ADCY9: variants seen among roughly 807,000 people sequenced by gnomAD.
The protein encoded by ADCY9 is adenylate cyclase type 9.
A neutral mutation model predicts 101.5 loss-of-function variants in ADCY9; 50 were observed. That is an observed-to-expected ratio of 0.49 (90% CI 0.39 to 0.62). ADCY9 has a LOEUF of 0.62. ADCY9 is among the 20% of genes least tolerant of loss of function. The probability of loss-of-function intolerance (pLI) is 0.00; values close to 1 mark genes in which losing one functional copy is unlikely to be tolerated. For missense variants in ADCY9, 1,662 were observed against 1,800.4 expected (o/e 0.92, Z 1.39); for synonymous variants, 905 against 769.3 (o/e 1.18, Z -2.92).
chr16:3,981,387 A>G (rs2056141192), intron 7 of ADCY9, among the ~76,000 whole-genome samples: 2 of 152,172 alleles, frequency 1.3e-5, no homozygotes, highest in Non-Finnish European at 2.9e-5. Flanking sequence ...AGCTACCCAC[A>G]TTAGAGGAAA....
chr16:4,046,254 A>G (rs747218009), intron 2 of ADCY9, among the ~76,000 whole-genome samples: 1 of 152,124 alleles, frequency 6.6e-6, no homozygotes, highest in Admixed American at 6.6e-5. Context: ...ACCACGGCAC[A>G]CAGTGCCCAG....
intron 7 of ADCY9, chr16:3,982,992 C>T (rs754479654): frequency 5.2e-5 from 28 of 543,018 alleles, no homozygotes; most frequent in Admixed American, 2.3e-4. Flanking sequence ...AAGCTGGCAG[C>T]GGTTGGGGCT....
chr16:4,032,972 C>G (rs1386564260), intron 2 of ADCY9: 1 of 152,236 alleles, frequency 6.6e-6, no homozygotes, highest in African/African-American at 2.4e-5. Flanking sequence ...TGCTGCCGTC[C>G]CTCACCCGCC....
chr16:4,101,205 T>C (rs1440725215), intron 2 of ADCY9, among the ~76,000 whole-genome samples: 2 of 152,104 alleles, frequency 1.3e-5, no homozygotes, highest in Non-Finnish European at 2.9e-5. Context: ...TTCAGTCTTC[T>C]CATCTATAAA....
At chr16:4,017,989 C>G (rs1445179739) in intron 2 of ADCY9, among the ~76,000 whole-genome samples, 1 of 152,200 alleles carries the variant, frequency 6.6e-6, no homozygotes, top group Non-Finnish European at 1.5e-5. Flanking sequence ...CACAGAAACG[C>G]AGAAGCGGCC....
intron 2 of ADCY9, among the ~76,000 whole-genome samples, chr16:4,107,917 C>T (rs964598365): frequency 9.2e-5 from 14 of 152,200 alleles, no homozygotes; most frequent in African/African-American, 2.7e-4. Flanking sequence ...GCAAAGGTCT[C>T]GATCACAGAG....
In ADCY9 at chr16:3,993,482, G is replaced by A. The variant is rs750862551; in HGVS notation, c.1913C>T (p.Ala638Val). ...KTCPSCGITF[A>V]PKSEAGAEGG... ...CTCGGCGCCGGCTTCAGATTTGGGA[G>A]CAAATGTGATTCCGCACGAAGGGCA... The change falls in exon 4 of 11, where the codon GCT becomes GTT. Residue 638 changes from alanine (A) to valine (V), a missense_variant. Transcript: ENST00000294016. The A allele has an allele frequency of 2.0e-5, 32 of 1,614,026 alleles. No homozygotes were observed. The highest frequency in any genetic ancestry group is 2.5e-5 in the Non-Finnish European group (30 of 1,180,030).
intron 6 of ADCY9, among the ~76,000 whole-genome samples, chr16:3,985,454 G>A (rs981003437): frequency 4.6e-5 from 7 of 152,074 alleles, no homozygotes; most frequent in African/African-American, 1.7e-4. Context: ...GAATTTCAGG[G>A]GCGACACTGC....
rs185444904 is a variant in ADCY9, at chr16:4,082,613, C to T, written c.1693+31137G>A. 2.8e-3 allele frequency among the ~76,000 whole-genome samples: 419 copies of T among 151,374 alleles called. 3 individuals carry two copies. The highest frequency in any genetic ancestry group is 9.7e-3 in the African/African-American group (399 of 41,298). ...GCACACAGGCACACCCATGCAAGCACGCACACACACATGCAGGCACACCCA... is the reference window on the plus strand; with the variant it reads ...GCACACAGGCACACCCATGCAAGCATGCACACACACATGCAGGCACACCCA... On this transcript the variant is annotated intron_variant, in intron 2 of 10. Transcript: ENST00000294016.
chr16:4,091,521 C>T (rs1027906369), intron 2 of ADCY9, among the ~76,000 whole-genome samples: 1 of 152,214 alleles, frequency 6.6e-6, no homozygotes, highest in Non-Finnish European at 1.5e-5. Context: ...GTGTTCCCAG[C>T]AGCACCATCC....
Position 4,007,435 on chromosome 16 carries a change from T to C in ADCY9, c.1817A>G (p.Gln606Arg), listed in dbSNP as rs775196337. The C allele has an allele frequency of 2.5e-6, 4 of 1,614,016 alleles. No homozygotes were observed. Among genetic ancestry groups the C allele is most frequent in the Non-Finnish European group, 3.4e-6 (4 of 1,179,990 alleles). Residue 606 changes from glutamine (Q) to arginine (R), a missense_variant, in exon 3 of 11, where the codon CAG becomes CGG. By Grantham distance (43) the Gln-to-Arg change is conservative. This residue lies in a region of ADCY9 where 624 missense variants were observed against 639.1 expected (regional missense o/e 0.98). Coordinates refer to ENST00000294016, the MANE Select transcript of ADCY9 (RefSeq NM_001116.4). Reference protein sequence around the residue: ...GSQVSSGPRGQGTASSGNVSD... With the variant: ...GSQVSSGPRGRGTASSGNVSD... ...GACATTCCCTGATGACGCTGTCCCC[T>C]GTCCCCTAGGGCCTGAGGACACCTG...
chr16:3,978,567 C>CA (rs2056112710), intron 8 of ADCY9, among the ~76,000 whole-genome samples: 2 of 152,206 alleles, frequency 1.3e-5, no homozygotes, highest in South Asian at 4.1e-4. Flanking sequence ...GAAGAAGCCA[C>CA]ACTGGCAGGG....
rs748299013 is a variant in ADCY9, at chr16:3,966,107, T to G, written c.3730A>C (p.Lys1244Gln). Residue 1244 changes from lysine (K) to glutamine (Q), a missense_variant, in exon 11 of 11, where the codon AAG (lysine) becomes CAG (glutamine). Lys to Gln is a moderately conservative substitution (Grantham distance 53). Around this residue, in one of 5 missense-constraint regions of ADCY9, gnomAD observed 168 missense variants for 155.3 expected, o/e 1.08. Coordinates refer to ENST00000294016, the MANE Select transcript of ADCY9 (RefSeq NM_001116.4). Reference protein sequence around the residue: ...KGQMKTYLYPKCTDHRVIPQH... With the variant: ...KGQMKTYLYPQCTDHRVIPQH... ...GGGATGACCCTGTGATCCGTGCACT[T>G]TGGGTACAGGTAGGTCTTCATCTGG... The G allele has an allele frequency of 1.2e-5, 19 of 1,614,238 alleles. No individual in the cohort carries two copies. In the Admixed American group the frequency reaches 2.2e-4, roughly 18 times the overall value.
intron 2 of ADCY9, among the ~76,000 whole-genome samples, chr16:4,027,877 CA>C (rs1230088772): frequency 0.04 from 3,738 of 94,332 alleles, 134 homozygotes; most frequent in African/African-American, 0.11. Context: ...AATTCCGTTT[CA>C]AAAAAAAAAA....
Position 3,964,063 on chromosome 16 carries a change from G to A in ADCY9, c.*1712C>T, listed in dbSNP as rs1038298171. 6.6e-6 allele frequency: 1 copy of A among 152,388 alleles called. No individual in the cohort carries two copies. The highest frequency in any genetic ancestry group is 2.4e-5 in the African/African-American group (1 of 41,454). 9.4% of individuals were successfully genotyped at this position (152,388 alleles called of 1,614,324 possible). A position where few individuals can be genotyped will look rare whatever the true frequency, so the allele number is the denominator to read the frequency against. On this transcript the variant is annotated 3_prime_UTR_variant, in exon 11 of 11. Coordinates refer to ENST00000294016, the MANE Select transcript of ADCY9 (RefSeq NM_001116.4). The stretch of plus-strand genomic sequence containing the variant: ...CATCCCAGGCACCGCCCCTGGAGAG[G>A]TGGCGGGTCAGAATTGTGACTTCTT...
intron 2 of ADCY9, among the ~76,000 whole-genome samples, chr16:4,053,599 G>C (rs189163534): frequency 1.3e-5 from 2 of 152,180 alleles, no homozygotes; most frequent in African/African-American, 4.8e-5. Context: ...TGGACAGCCT[G>C]CACTTTGATG....
At chr16:4,070,213 C>T (rs1364173167) in intron 2 of ADCY9, among the ~76,000 whole-genome samples, 1 of 151,824 alleles carries the variant, frequency 6.6e-6, no homozygotes, top group Non-Finnish European at 1.5e-5. Flanking sequence ...ATATCACTCA[C>T]TGTTTGTTGT....
At position 4,115,735 on chromosome 16, in the gene ADCY9, G is replaced by A. The variant is rs896042635; in HGVS notation, c.-89C>T. The A allele has an allele frequency of 2.4e-6, 1 of 423,146 alleles. No individual in the cohort carries two copies. The highest frequency in any genetic ancestry group is 4.1e-6 in the Non-Finnish European group (1 of 241,156). The allele number at this position is 423,146 out of a possible 1,614,324, so 26.2% of individuals were successfully genotyped here. A position where few individuals can be genotyped will look rare whatever the true frequency, so the allele number is the denominator to read the frequency against. Reference sequence around the variant, plus strand: ...CGCCGCGTGGCCGCCGTGGCTCCGGGACCGCTTTGCTCGCTCGCCTTCCGC... The same window carrying A: ...CGCCGCGTGGCCGCCGTGGCTCCGGAACCGCTTTGCTCGCTCGCCTTCCGC... On this transcript the variant is annotated 5_prime_UTR_variant, in exon 1 of 11. Transcript: ENST00000294016. This position sits in a 1 kb window ranked among gnomAD's most constrained non-coding sequence, Gnocchi z 6.2.
intron 2 of ADCY9, among the ~76,000 whole-genome samples, chr16:4,060,414 G>A (rs568796876): frequency 6.6e-6 from 1 of 152,236 alleles, no homozygotes; most frequent in Non-Finnish European, 1.5e-5. Context: ...GGCCAGAAAA[G>A]GCCTGGCAAA....
Sources: gnomAD v4.1 joint callset for allele counts (sites outside exome capture counted in the v4.1 genomes callset) on GRCh38, gnomAD v4.1.1 for gene constraint, gnomAD v4.1.1 regional missense constraint, Gnocchi (gnomAD v3.1) non-coding constraint, MANE v1.5 for transcripts, NCBI Gene and HGNC (gene_info 2026-07-23, HGNC 2026-07-21) for gene names.